MCPH1: variants seen among roughly 807,000 people sequenced by gnomAD.
MCPH1 encodes microcephalin 1.
MCPH1 carries 104 observed loss-of-function variants against 84.5 expected under a neutral mutation model. That is an observed-to-expected ratio of 1.23 (90% CI 1.05 to 1.45). The LOEUF is 1.45. Ranked by LOEUF, MCPH1 falls within the 40% of genes most tolerant of loss-of-function variation. The probability of loss-of-function intolerance (pLI) is 0.00; values close to 1 mark genes in which losing one functional copy is unlikely to be tolerated. For synonymous variants in MCPH1, 514 were observed against 366.8 expected (o/e 1.40, Z -4.58); for missense variants, 1,498 against 1,005.7 (o/e 1.49, Z -6.62).
intron 12 of MCPH1, chr8:6,508,068 G>C (rs1442418208): frequency 6.6e-6 from 1 of 152,120 alleles, no homozygotes; most frequent in African/African-American, 2.4e-5. Context: ...AGTAGAAGAT[G>C]ACTCATTTTA....
intron 2 of MCPH1, among the ~76,000 whole-genome samples, chr8:6,409,976 A>ATTTTTTTTTTTTTTTTTTT (rs34420641): frequency 6.8e-6 from 1 of 147,662 alleles, no homozygotes; most frequent in African/African-American, 2.5e-5. Context: ...GTAGGGAGTA[A>ATTTTTTTTTTTTTTTTTTT]TTTTTTTTTT....
At chr8:6,484,761 C>A (rs531005896) in intron 11 of MCPH1, among the ~76,000 whole-genome samples, 3 of 152,204 alleles carry the variant, frequency 2.0e-5, no homozygotes, top group African/African-American at 7.2e-5. Context: ...AATAGCTGGT[C>A]TCAGAAGGTC....
rs146279575 is a variant in MCPH1 at position 6,623,240 on chromosome 8, A to G, written c.2452+1549A>G. The stretch of plus-strand genomic sequence containing the variant: ...AGTTACTGAGGGTTAAGACATCGAC[A>G]TACGAATTTTGGGCAGACACAATTC... On this transcript the variant is annotated intron_variant, in intron 13 of 13. Coordinates refer to ENST00000344683, the MANE Select transcript of MCPH1 (RefSeq NM_024596.5). Among the ~76,000 whole-genome samples the G allele has an allele frequency of 9.9e-3, 1,504 of 152,046 alleles. 28 individuals carry two copies. Among genetic ancestry groups the G allele is most frequent in the African/African-American group, 0.033 (1,389 of 41,468 alleles).
At chr8:6,638,676 C>T (rs771871132) in intron 13 of MCPH1, among the ~76,000 whole-genome samples, 1 of 152,046 alleles carries the variant, frequency 6.6e-6, no homozygotes, top group African/African-American at 2.4e-5. Context: ...CCGGCCAGGA[C>T]TGGCATTACT....
chr8:6,531,088 G>A (rs775252544), intron 12 of MCPH1, among the ~76,000 whole-genome samples: 6 of 152,268 alleles, frequency 3.9e-5, no homozygotes, highest in Non-Finnish European at 8.8e-5. Flanking sequence ...GTCAGAAAGC[G>A]GGCTTGGCCG....
chr8:6,626,155 C>G (rs1046211969), intron 13 of MCPH1: 1 of 985,166 alleles, frequency 1.0e-6, no homozygotes, highest in Non-Finnish European at 1.2e-6. Flanking sequence ...CTTTCGACCT[C>G]AGCTCTGAGG....
At chr8:6,636,697 G>C (rs1020844799) in intron 13 of MCPH1, among the ~76,000 whole-genome samples, 1 of 152,092 alleles carries the variant, frequency 6.6e-6, no homozygotes, top group Non-Finnish European at 1.5e-5. Flanking sequence ...ATTACCTCTA[G>C]GCTATGTGTA....
intron 9 of MCPH1, among the ~76,000 whole-genome samples, chr8:6,472,634 T>C (rs1807895845): frequency 6.6e-6 from 1 of 152,012 alleles, no homozygotes; most frequent in Admixed American, 6.6e-5. Flanking sequence ...GCCTGGCTAA[T>C]TTTTGTATTT....
At chr8:6,505,651 T>A (rs1288000183) in intron 12 of MCPH1, among the ~76,000 whole-genome samples, 1 of 129,610 alleles carries the variant, frequency 7.7e-6, no homozygotes, top group African/African-American at 3.0e-5. Context: ...TCTTTATATC[T>A]ATTTATATAT....
At chr8:6,533,756 T>C (rs1563081164) in intron 12 of MCPH1, among the ~76,000 whole-genome samples, 1 of 152,130 alleles carries the variant, frequency 6.6e-6, no homozygotes, top group East Asian at 1.9e-4. Context: ...TGCCCTCCTT[T>C]AAAAACTTAG....
rs138406481 is a variant in MCPH1 at position 6,495,251 on chromosome 8, A to T, written c.2137-4601A>T. On this transcript the variant is annotated intron_variant, in intron 11 of 13. Transcript: ENST00000344683. ...ATAACCTAGAAATAACTTCATTGCTACACTATTTCATTAACTACATGGGTG... is the reference window on the plus strand; with the variant it reads ...ATAACCTAGAAATAACTTCATTGCTTCACTATTTCATTAACTACATGGGTG... Among the ~76,000 whole-genome samples, 351 of 152,326 alleles carry T rather than the reference A, an allele frequency of 2.3e-3. 4 individuals carry two copies. The highest frequency in any genetic ancestry group is 8.1e-3 in the African/African-American group (338 of 41,576).
chr8:6,643,029 A>T lies in MCPH1; in HGVS notation c.2488A>T (p.Asn830Tyr), dbSNP rs778529737. The T allele has an allele frequency of 6.2e-7, 1 of 1,614,104 alleles. No homozygotes were observed. ...CCAGCACAAGGTCTGTGCCCCTGAAAACTACCTATTGTCACAATGACAGTG... is the reference window on the plus strand; with the variant it reads ...CCAGCACAAGGTCTGTGCCCCTGAATACTACCTATTGTCACAATGACAGTG... ...ITQHKVCAPE[N>Y]YLLSQ The change falls in exon 14 of 14, where the codon AAC becomes TAC. Residue 830 changes from asparagine (N) to tyrosine (Y), a missense_variant. Physicochemically the swap from Asn to Tyr is moderately radical, Grantham distance 143 (BLOSUM62 -2). Coordinates refer to ENST00000344683, the MANE Select transcript of MCPH1 (RefSeq NM_024596.5).
At chr8:6,624,886 T>TC (rs1831898762) in intron 13 of MCPH1, 1 of 983,378 alleles carries the variant, frequency 1.0e-6, no homozygotes, top group African/African-American at 1.7e-5. Flanking sequence ...TTTTTTTTTT[T>TC]TTTTCTGAGA....
intron 12 of MCPH1, among the ~76,000 whole-genome samples, chr8:6,618,200 G>A (rs940707835): frequency 6.6e-5 from 10 of 152,166 alleles, no homozygotes; most frequent in African/African-American, 1.9e-4. Flanking sequence ...TGATCTCCAG[G>A]TAACACACAG....
chr8:6,606,944 A>G (rs112540240), intron 12 of MCPH1, among the ~76,000 whole-genome samples: 209 of 152,318 alleles, frequency 1.4e-3, no homozygotes, highest in African/African-American at 4.7e-3. Context: ...CCCCAGCCAC[A>G]TGGAACTGTA....
chr8:6,592,692 T>G (rs1213474114), intron 12 of MCPH1, among the ~76,000 whole-genome samples: 1 of 145,228 alleles, frequency 6.9e-6, no homozygotes, highest in Non-Finnish European at 1.5e-5. Context: ...TCTCACTCTG[T>G]CACCCAGGCT....
intron 3 of MCPH1, among the ~76,000 whole-genome samples, chr8:6,416,777 T>A (rs1799361208): frequency 6.6e-6 from 1 of 152,134 alleles, no homozygotes; most frequent in Non-Finnish European, 1.5e-5. Flanking sequence ...GTGGATCACC[T>A]GAGATTAGGA....
chr8:6,521,119 T>TA, intron 12 of MCPH1: 1 of 1,403,228 alleles, frequency 7.1e-7, no homozygotes, highest in South Asian at 1.3e-5. Context: ...TTTAGTCTTT[T>TA]GAGTGTTTTA....
chr8:6,579,093 T>C (rs1246173133), intron 12 of MCPH1, among the ~76,000 whole-genome samples: 2 of 152,194 alleles, frequency 1.3e-5, no homozygotes, highest in Non-Finnish European at 2.9e-5. Context: ...CAGACTGAGC[T>C]GTGTCCAGAG....
Sources: gnomAD v4.1 joint callset for allele counts (sites outside exome capture counted in the v4.1 genomes callset) on GRCh38, gnomAD v4.1.1 for gene constraint, MANE v1.5 for transcripts, NCBI Gene and HGNC (gene_info 2026-07-23, HGNC 2026-07-21) for gene names.